Variants in ZNF532 observed in about 807,000 individuals in gnomAD.
The protein encoded by ZNF532 is zinc finger protein 532.
In ZNF532, 22 loss-of-function variants were observed where a neutral mutation model predicts 89.3. That is an observed-to-expected ratio of 0.25 (90% CI 0.18 to 0.35). The LOEUF (loss-of-function observed/expected upper bound fraction) is 0.35. Among genes scored for constraint, ZNF532 ranks in the 10% least tolerant of loss-of-function variants. ZNF532 has a pLI of 1.00. For missense variants in ZNF532, 1,132 were observed against 1,643.4 expected (o/e 0.69, Z 5.38); for synonymous variants, 606 against 649.6 (o/e 0.93, Z 1.02).
At chr18:58,899,065 T>C (rs1316382816) in intron 2 of ZNF532, among the ~76,000 whole-genome samples, 1 of 152,246 alleles carries the variant, frequency 6.6e-6, no homozygotes, top group Non-Finnish European at 1.5e-5. Flanking sequence ...CGTAGATTGC[T>C]GTGGGGATCC....
chr18:58,878,375 A>G (rs1306457175), intron 2 of ZNF532, among the ~76,000 whole-genome samples: 1 of 152,268 alleles, frequency 6.6e-6, no homozygotes, highest in Non-Finnish European at 1.5e-5. Flanking sequence ...GAACACATAC[A>G]GATGCAGGAC....
chr18:58,983,898 A>G, intron 9 of ZNF532, 74 bp from the exon 10 acceptor site: 1 of 1,525,490 alleles, frequency 6.6e-7, no homozygotes. Context: ...GCTCTAAAGT[A>G]AGAGAACCGA....
chr18:58,959,268 TTG>T (rs1491085308), intron 7 of ZNF532, among the ~76,000 whole-genome samples: 49 of 147,160 alleles, frequency 3.3e-4, no homozygotes, highest in Admixed American at 7.5e-4. Flanking sequence ...TTGTTTTTTT[TTG>T]TTTTTTTTTG....
intron 2 of ZNF532, among the ~76,000 whole-genome samples, chr18:58,909,318 G>T (rs192845246): frequency 1.3e-5 from 2 of 152,278 alleles, no homozygotes; most frequent in East Asian, 3.9e-4. Context: ...AGGATTTAGA[G>T]GAACATGTTG....
chr18:58,940,034 C>G (rs1050849774), intron 5 of ZNF532: 4 of 155,932 alleles, frequency 2.6e-5, no homozygotes, highest in Non-Finnish European at 4.3e-5. Context: ...GCTGGGACTA[C>G]AGGTGCATGC....
chr18:58,931,830 T>C (rs1422624915), intron 3 of ZNF532: 1 of 151,500 alleles, frequency 6.6e-6, no homozygotes, highest in African/African-American at 2.4e-5. Flanking sequence ...GTCTCAGTTA[T>C]TGGGGAGGCT....
intron 2 of ZNF532, chr18:58,896,478 C>G (rs981207332): frequency 1.3e-5 from 2 of 152,166 alleles, no homozygotes; most frequent in African/African-American, 4.8e-5. Context: ...GTGACCCAGT[C>G]AAGCCACCAC....
At chr18:58,866,678 GGTTAA>G (rs1399125777) in intron 2 of ZNF532, among the ~76,000 whole-genome samples, 2 of 152,202 alleles carry the variant, frequency 1.3e-5, no homozygotes, top group African/African-American at 2.4e-5. Context: ...TCTTGGAATT[GGTTAA>G]GTTGTGTGCT....
At chr18:58,871,414 C>T (rs1173399036) in intron 2 of ZNF532, among the ~76,000 whole-genome samples, 3 of 152,058 alleles carry the variant, frequency 2.0e-5, no homozygotes, top group Non-Finnish European at 4.4e-5. Context: ...CATTTGATAC[C>T]GAAATGATGA....
chr18:58,982,321 G>T (rs564594154), intron 9 of ZNF532, among the ~76,000 whole-genome samples: 6 of 151,974 alleles, frequency 3.9e-5, no homozygotes, highest in Admixed American at 3.9e-4. Context: ...TGAGAGAAAA[G>T]TTTAAAGAAA....
chr18:58,896,510 G>A (rs2059260255), intron 2 of ZNF532: 1 of 152,318 alleles, frequency 6.6e-6, no homozygotes, highest in African/African-American at 2.4e-5. Flanking sequence ...CTGGGAAGGT[G>A]GGGAAAGAGG....
At chr18:58,868,993 T>A (rs960419752) in intron 2 of ZNF532, among the ~76,000 whole-genome samples, 4 of 152,206 alleles carry the variant, frequency 2.6e-5, no homozygotes, top group African/African-American at 9.7e-5. Flanking sequence ...CTGTACTGCA[T>A]ACTGTAGGCA....
Position 58,981,462 on chromosome 18 carries a change from C to T in ZNF532, c.3264-8C>T. ...AAGTGCGTTATCTCCTTGCCTTTCA[C>T]CCCACAGGCACTGCCCAGACTCCAG... On this transcript the variant is annotated splice_polypyrimidine_tract_variant and splice_region_variant and intron_variant, in intron 8 of 9. Coordinates refer to ENST00000591808, the MANE Select transcript of ZNF532 (RefSeq NM_001375912.1). The T allele has an allele frequency of 1.2e-6, 2 of 1,610,480 alleles. No individual in the cohort carries two copies. The highest frequency in any genetic ancestry group is 1.7e-6 in the Non-Finnish European group (2 of 1,179,292).
chr18:58,945,260 G>A (rs2063551599), intron 5 of ZNF532, among the ~76,000 whole-genome samples: 1 of 152,174 alleles, frequency 6.6e-6, no homozygotes, highest in African/African-American at 2.4e-5. Flanking sequence ...TGTCATTGCT[G>A]GACTCAGGCA....
At chr18:58,906,798 T>G (rs2059961640) in intron 2 of ZNF532, among the ~76,000 whole-genome samples, 1 of 152,212 alleles carries the variant, frequency 6.6e-6, no homozygotes, top group Non-Finnish European at 1.5e-5. Context: ...TTATGTGATC[T>G]GAATTCCAGT....
chr18:58,968,598 C>T lies in ZNF532; in HGVS notation c.3151-10457C>T, dbSNP rs76968866. 6.0e-3 allele frequency among the ~76,000 whole-genome samples: 917 copies of T among 152,310 alleles called. 14 individuals carry two copies. Among genetic ancestry groups the T allele is most frequent in the African/African-American group, 0.021 (855 of 41,556 alleles). ...AGTCCCTTCTTGTGACCCACGGTTC[C>T]CTCCCTGTCCCTGGAATCCATGGCA... On this transcript the variant is annotated intron_variant, in intron 7 of 9. Coordinates refer to ENST00000591808, the MANE Select transcript of ZNF532 (RefSeq NM_001375912.1).
chr18:58,953,340 A>G (rs1291418356), intron 6 of ZNF532, 178 bp from the exon 7 acceptor site: 1 of 579,586 alleles, frequency 1.7e-6, no homozygotes, highest in East Asian at 3.0e-5. Context: ...AACGTATAGC[A>G]GACTTTTATC....
chr18:58,937,050 A>G (rs1173293334), intron 4 of ZNF532, among the ~76,000 whole-genome samples: 3 of 152,184 alleles, frequency 2.0e-5, no homozygotes, highest in Non-Finnish European at 4.4e-5. Flanking sequence ...TAAAAGTTAT[A>G]TATTGATAAA....
chr18:58,939,962 T>C (rs573403655), intron 5 of ZNF532: 4 of 163,876 alleles, frequency 2.4e-5, no homozygotes, highest in Non-Finnish European at 4.0e-5. Context: ...GGTGCGATCT[T>C]GGCTCACTGC....
Sources: allele counts gnomAD v4.1 joint callset (sites outside exome capture counted in the v4.1 genomes callset), GRCh38; gene constraint gnomAD v4.1.1; transcripts MANE v1.5; gene names NCBI Gene and HGNC (gene_info 2026-07-23, HGNC 2026-07-21).